CHD1L: variants seen among roughly 807,000 people sequenced by gnomAD.
The protein encoded by CHD1L is chromodomain helicase DNA binding protein 1 like.
CHD1L carries 118 observed loss-of-function variants against 115.9 expected under a neutral mutation model. That is an observed-to-expected ratio of 1.02 (90% CI 0.88 to 1.19). CHD1L has a LOEUF of 1.19. Ranked by LOEUF, CHD1L falls within the 50% of genes most tolerant of loss-of-function variation. CHD1L has a pLI of 0.00. For synonymous variants in CHD1L, 411 were observed against 387.1 expected, an observed-to-expected ratio of 1.06 and a Z score of -0.72; for missense variants, 1,179 against 1,065.3, an observed-to-expected ratio of 1.11 and a Z score of -1.49.
intron 6 of CHD1L, among the ~76,000 whole-genome samples, chr1:147,263,114 C>T (rs1323573916): frequency 1.3e-5 from 2 of 151,822 alleles, no homozygotes; most frequent in African/African-American, 4.8e-5. Context: ...TGTATATATA[C>T]GTTTACATAC....
chr1:147,201,628 G>A, the CHD1L span: 2 of 693,136 alleles, frequency 2.9e-6, no homozygotes, highest in East Asian at 5.3e-5. Flanking sequence ...GTCTATGCAT[G>A]AAGTTTGGAA....
chr1:147,180,508 GT>G, the CHD1L span, among the ~76,000 whole-genome samples: 2 of 152,172 alleles, frequency 1.3e-5, no homozygotes, highest in East Asian at 3.9e-4. Flanking sequence ...GGCCAGGATG[GT>G]TTCGATCTCT....
In CHD1L at chr1:147,265,949, C is replaced by A; in HGVS notation, c.757C>A (p.Leu253Ile). ...TTATGTAGCAAGTGAACTGCACAAA[C>A]TCTTGCAGCCATTTCTGCTGAGGCG... ...ESESASELHKLLQPFLLRRVK... is the reference protein window; with the variant it reads ...ESESASELHKILQPFLLRRVK... Residue 253 changes from leucine (L) to isoleucine (I), a missense_variant, in exon 8 of 23, where the codon CTC (leucine) becomes ATC (isoleucine). Physicochemically the swap from Leu to Ile is conservative, Grantham distance 5. Transcript: ENST00000369258. The A allele has an allele frequency of 6.2e-7, 1 of 1,612,266 alleles. No individual in the cohort carries two copies. Among genetic ancestry groups the A allele is most frequent in the Non-Finnish European group, 8.5e-7 (1 of 1,179,320 alleles).
the CHD1L span, chr1:147,178,061 C>T: frequency 9.9e-7 from 1 of 1,007,332 alleles, no homozygotes; most frequent in South Asian, 1.7e-5. Flanking sequence ...CCGACCGCCG[C>T]AGTCCCAGTC....
chr1:147,207,785 T>G, the CHD1L span, among the ~76,000 whole-genome samples: 7 of 152,138 alleles, frequency 4.6e-5, no homozygotes, highest in African/African-American at 1.7e-4. Context: ...TTACTGTAAA[T>G]CCCACCCTTA....
the CHD1L span, among the ~76,000 whole-genome samples, chr1:147,192,326 G>A: frequency 1.2e-4 from 18 of 152,144 alleles, no homozygotes; most frequent in Admixed American, 5.9e-4. Context: ...TGTTGTTGGT[G>A]TATAAGACTG....
intron 1 of CHD1L, among the ~76,000 whole-genome samples, chr1:147,249,881 C>G (rs184369648): frequency 6.6e-6 from 1 of 151,980 alleles, no homozygotes; most frequent in African/African-American, 2.4e-5. Context: ...CTGAAGGTCC[C>G]GGAGGGTCAT....
chr1:147,255,704 A>C, intron 3 of CHD1L, 109 bp from the exon 4 acceptor site: 1 of 690,140 alleles, frequency 1.4e-6, no homozygotes, highest in Non-Finnish European at 2.4e-6. Flanking sequence ...GTAGGACCTC[A>C]TGAGTTCTGT....
intron 19 of CHD1L, among the ~76,000 whole-genome samples, chr1:147,289,071 CT>C (rs1415421792): frequency 6.6e-6 from 1 of 152,128 alleles, no homozygotes; most frequent in Non-Finnish European, 1.5e-5. Context: ...AGAATGACTA[CT>C]TTTTCTAGTA....
At chr1:147,264,859 T>C (rs890898814) in intron 7 of CHD1L, among the ~76,000 whole-genome samples, 2 of 152,152 alleles carry the variant, frequency 1.3e-5, no homozygotes, top group Middle Eastern at 3.2e-3. Flanking sequence ...ATTTGCAGAC[T>C]TTTTTTTCCA....
chr1:147,245,934 G>A (rs1666470430), intron 1 of CHD1L, among the ~76,000 whole-genome samples: 1 of 152,098 alleles, frequency 6.6e-6, no homozygotes, highest in Non-Finnish European at 1.5e-5. Context: ...GTGTACACTT[G>A]CAATGATGGT....
chr1:147,223,844 C>T, the CHD1L span: 1,074 of 303,050 alleles, frequency 3.5e-3, 8 homozygotes, highest in African/African-American at 0.015. Context: ...ACTGCTTACG[C>T]GGGCCCACAA....
rs1559811355 is a variant in CHD1L at position 147,270,993 on chromosome 1, A to T, written c.1147A>T (p.Met383Leu). The change falls in exon 11 of 23, where the codon ATG becomes TTG. Residue 383 changes from methionine to leucine, a missense_variant. Met to Leu is a conservative substitution (Grantham distance 15). Coordinates refer to ENST00000369258, the MANE Select transcript of CHD1L (RefSeq NM_004284.6). ...GATGTTGGATATTCTCCAAGACTAT[A>T]TGGATTACAGAGGTGACACCTTTTG... ...TQMLDILQDY[M>L]DYRGYSYERV... 2 of 1,613,916 alleles carry T rather than the reference A, an allele frequency of 1.2e-6. No individual in the cohort carries two copies. Among genetic ancestry groups the T allele is most frequent in the Non-Finnish European group, 1.7e-6 (2 of 1,179,856 alleles).
At chr1:147,277,209 G>A (rs930667522) in intron 14 of CHD1L, among the ~76,000 whole-genome samples, 2 of 152,116 alleles carry the variant, frequency 1.3e-5, no homozygotes, top group African/African-American at 4.8e-5. Flanking sequence ...ACAAACTATT[G>A]TTAGAGGCAG....
At chr1:147,240,615 G>A (rs1358187268), upstream of CHD1L, among the ~76,000 whole-genome samples, 1 of 152,162 alleles carries the variant, frequency 6.6e-6, no homozygotes, top group Admixed American at 6.5e-5. Context: ...CCTGGGCAAT[G>A]GAATGTCTCG....
chr1:147,215,631 G>T, the CHD1L span: 1 of 652,000 alleles, frequency 1.5e-6, no homozygotes, highest in Non-Finnish European at 2.6e-6. Flanking sequence ...TTTTTGCCTG[G>T]GTAGGATAAA....
chr1:147,214,483 A>G, the CHD1L span, among the ~76,000 whole-genome samples: 1 of 150,656 alleles, frequency 6.6e-6, no homozygotes, highest in East Asian at 1.9e-4. Flanking sequence ...AAAAAGAGAG[A>G]CAAACCACCC....
In CHD1L at chr1:147,295,418, C is replaced by T. The variant is rs782530273; in HGVS notation, c.2616-13C>T. The T allele has an allele frequency of 1.3e-6, 2 of 1,582,546 alleles. No homozygotes were observed. The highest frequency in any genetic ancestry group is 1.7e-5 in the Admixed American group (1 of 59,720). ...AAGTGATGACATGTATCTTCCTTGA[C>T]CATCCTTATCAGATATTATTTTCCT... On this transcript the variant is annotated splice_polypyrimidine_tract_variant and intron_variant, in intron 22 of 22. Coordinates refer to ENST00000369258, the MANE Select transcript of CHD1L (RefSeq NM_004284.6).
At position 147,286,444 on chromosome 1, in the gene CHD1L, G is replaced by C; in HGVS notation, c.2165G>C (p.Gly722Ala). 6.2e-7 allele frequency: 1 copy of C among 1,614,110 alleles called. No individual in the cohort carries two copies. Among genetic ancestry groups the C allele is most frequent in the Non-Finnish European group, 8.5e-7 (1 of 1,180,040 alleles). Residue 722 changes from glycine (G) to alanine (A), a missense_variant, in exon 18 of 23, where the codon GGT becomes GCT. By Grantham distance (60) the Gly-to-Ala change is moderately conservative. Coordinates refer to ENST00000369258, the MANE Select transcript of CHD1L (RefSeq NM_004284.6). ...PDATSLKYVS[G>A]DVTHPQAGAE... ...GCTACTTCCCTCAAGTACGTTAGTG[G>C]TGATGTCACCCACCCTCAGGCTGGG...
Sources: allele counts gnomAD v4.1 joint callset (sites outside exome capture counted in the v4.1 genomes callset), GRCh38; gene constraint gnomAD v4.1.1; transcripts MANE v1.5; gene names NCBI Gene and HGNC (gene_info 2026-07-23, HGNC 2026-07-21).